Variants in LTBP1 observed in about 807,000 individuals in gnomAD.
LTBP1 encodes latent-transforming growth factor beta-binding protein 1.
LTBP1 carries 129 observed loss-of-function variants against 207.6 expected under a neutral mutation model. The observed-to-expected ratio is 0.62, with a 90% CI of 0.54 to 0.72. The LOEUF is 0.72. Among genes scored for constraint, LTBP1 ranks in the 30% least tolerant of loss-of-function variants. The pLI is 0.00. For synonymous variants in LTBP1, 963 were observed against 833.7 expected (o/e 1.16, Z -2.67); for missense variants, 2,281 against 2,217.2 (o/e 1.03, Z -0.58).
rs142344744 is a variant in LTBP1 at position 33,077,685 on chromosome 2, G to A, written c.864-32897G>A. 9.9e-4 allele frequency among the ~76,000 whole-genome samples: 151 copies of A among 152,230 alleles called. 2 individuals are homozygous for A. In the East Asian group the frequency reaches 0.022, roughly 22 times the overall value. On this transcript the variant is annotated intron_variant, in intron 3 of 33. Transcript: ENST00000404816. ...CCTCCAATATTGGGGATTATAATTC[G>A]ACGTGAGATTTGGGTGGGGACACAG...
Position 33,021,126 on chromosome 2 carries a change from A to C in LTBP1, c.783A>C (p.Pro261=), listed in dbSNP as rs1301083278. Reference sequence around the variant, plus strand: ...CATCTAAGAAGGCAGACACTCTACCAAGAGTCAGCCCTGTGGCCCAGATGA... The same window carrying C: ...CATCTAAGAAGGCAGACACTCTACCCAGAGTCAGCCCTGTGGCCCAGATGA... ...HTSSKKADTL[P]RVSPVAQMTL... is the part of the protein sequence containing the mutation. Residue 261 remains proline, a synonymous_variant, in exon 3 of 34, where the codon CCA becomes CCC. Coordinates refer to ENST00000404816, the MANE Select transcript of LTBP1 (RefSeq NM_206943.4). 1 of 1,613,964 alleles carries C rather than the reference A, an allele frequency of 6.2e-7. No individual in the cohort carries two copies. Among genetic ancestry groups the C allele is most frequent in the Non-Finnish European group, 8.5e-7 (1 of 1,179,932 alleles).
intron 2 of LTBP1, among the ~76,000 whole-genome samples, chr2:32,955,309 A>G (rs1677896285): frequency 6.6e-6 from 1 of 152,260 alleles, no homozygotes; most frequent in Admixed American, 6.5e-5. Context: ...AGATTGCTGC[A>G]CATGCAGTTT....
At chr2:33,262,090 G>A (rs894296575) in intron 13 of LTBP1, among the ~76,000 whole-genome samples, 1 of 152,054 alleles carries the variant, frequency 6.6e-6, no homozygotes, top group African/African-American at 2.4e-5. Context: ...GAGGTCCAGG[G>A]GACAAGCGTG....
rs187473263 is a variant in LTBP1, at chr2:32,960,975, C to G, written c.565+12030C>G. On this transcript the variant is annotated intron_variant, in intron 2 of 33. Coordinates refer to ENST00000404816, the MANE Select transcript of LTBP1 (RefSeq NM_206943.4). Reference sequence around the variant, plus strand: ...GATAACAAGAGGGGACTGTACAACACAAGCACAGTCAACACAAGTACTATA... The same window carrying G: ...GATAACAAGAGGGGACTGTACAACAGAAGCACAGTCAACACAAGTACTATA... 1.5e-3 allele frequency among the ~76,000 whole-genome samples: 232 copies of G among 152,184 alleles called. 2 individuals carry two copies. Among genetic ancestry groups the G allele is most frequent in the Non-Finnish European group, 3.5e-4 (24 of 68,014 alleles).
At chr2:33,371,396 G>A (rs970035408) in intron 31 of LTBP1, among the ~76,000 whole-genome samples, 71 of 152,176 alleles carry the variant, frequency 4.7e-4, no homozygotes, top group African/African-American at 1.7e-3. Flanking sequence ...TGTTTTGGGA[G>A]GATCCTCAAA....
intron 3 of LTBP1, among the ~76,000 whole-genome samples, chr2:33,080,604 A>G (rs2078337896): frequency 6.6e-6 from 1 of 152,230 alleles, no homozygotes; most frequent in Non-Finnish European, 1.5e-5. Context: ...ATTTCAAATA[A>G]CTGACATAGC....
At chr2:33,072,040 C>G (rs2077818318) in intron 3 of LTBP1, among the ~76,000 whole-genome samples, 1 of 151,958 alleles carries the variant, frequency 6.6e-6, no homozygotes. Context: ...GAGACTGCCC[C>G]CGTTTCAGAT....
chr2:33,230,399 T>C (rs1350402102), intron 9 of LTBP1, among the ~76,000 whole-genome samples: 2 of 152,194 alleles, frequency 1.3e-5, no homozygotes, highest in Non-Finnish European at 2.9e-5. Flanking sequence ...GCTGCAATTA[T>C]CTTTTCAAAG....
intron 25 of LTBP1, among the ~76,000 whole-genome samples, chr2:33,346,650 A>G (rs1406031607): frequency 6.6e-6 from 1 of 151,368 alleles, no homozygotes; most frequent in Non-Finnish European, 1.5e-5. Context: ...ACGGCACTGC[A>G]CTCCAGCCTG....
intron 2 of LTBP1, among the ~76,000 whole-genome samples, chr2:32,970,273 G>C (rs219032): frequency 0.48 from 73,275 of 151,992 alleles, 19,200 homozygotes; most frequent in Non-Finnish European, 0.6. Flanking sequence ...GTTTAATTAG[G>C]TTCCATTTGT....
rs186768493 is a variant in LTBP1 at position 33,056,599 on chromosome 2, T to C, written c.863+35393T>C. On this transcript the variant is annotated intron_variant, in intron 3 of 33. Transcript: ENST00000404816. The stretch of plus-strand genomic sequence containing the variant: ...CCGCGGACCCTCGCAGTGAGTGTTA[T>C]AGTTCTTAAAGGTGGCGTGTCCGGA... 6.4e-4 allele frequency: 207 copies of C among 322,886 alleles called. 1 individual carries two copies. The highest frequency in any genetic ancestry group is 1.5e-3 in the South Asian group (17 of 11,096). The allele number at this position is 322,886 out of a possible 1,614,324, so 20.0% of individuals were successfully genotyped here. A position where few individuals can be genotyped will look rare whatever the true frequency, so the allele number is the denominator to read the frequency against.
rs369858019 is a variant in LTBP1, at chr2:33,358,863, G to C, written c.4001-1734G>C. 4.1e-4 allele frequency among the ~76,000 whole-genome samples: 63 copies of C among 152,230 alleles called. No homozygotes were observed. In the South Asian group the frequency reaches 0.012, roughly 29 times the overall value. ...TAACAATTTAAAATACGTACTCTTAGTTTTCCTAAGTAATTCCATGTCTAA... is the reference window on the plus strand; with the variant it reads ...TAACAATTTAAAATACGTACTCTTACTTTTCCTAAGTAATTCCATGTCTAA... On this transcript the variant is annotated intron_variant, in intron 26 of 33. Coordinates refer to ENST00000404816, the MANE Select transcript of LTBP1 (RefSeq NM_206943.4).
rs144954571 is a variant in LTBP1, at chr2:32,962,736, G to T, written c.565+13791G>T. Among the ~76,000 whole-genome samples, 928 of 152,352 alleles carry T rather than the reference G, an allele frequency of 6.1e-3. 12 individuals carry two copies. The highest frequency in any genetic ancestry group is 0.021 in the African/African-American group (885 of 41,578). On this transcript the variant is annotated intron_variant, in intron 2 of 33. Transcript: ENST00000404816. ...TCCCCATTTCTTCCTTTAATACAGA[G>T]TGCTTGAATGGCACCTCACAGACAC...
chr2:33,140,190 G>T (rs75962226), intron 5 of LTBP1, among the ~76,000 whole-genome samples: 2,416 of 152,236 alleles, frequency 0.016, 26 homozygotes, highest in East Asian at 0.027. Context: ...GAAGCAGTTC[G>T]TGCTGCTAAG....
chr2:32,959,619 A>ATTTTT (rs1378144146), intron 2 of LTBP1, among the ~76,000 whole-genome samples: 5 of 48,092 alleles, frequency 1.0e-4, no homozygotes, highest in African/African-American at 3.6e-4. Flanking sequence ...ATATATATAT[A>ATTTTT]TATTTTTTTT....
intron 3 of LTBP1, among the ~76,000 whole-genome samples, chr2:33,108,652 C>T (rs932355355): frequency 2.6e-5 from 4 of 152,122 alleles, no homozygotes; most frequent in Non-Finnish European, 5.9e-5. Flanking sequence ...CCCAAGGTCT[C>T]CTGGAAAACT....
chr2:32,979,038 T>C (rs1572915445), intron 2 of LTBP1, among the ~76,000 whole-genome samples: 1 of 151,968 alleles, frequency 6.6e-6, no homozygotes, highest in African/African-American at 2.4e-5. Context: ...GTGTTATCAA[T>C]TGTTATGTAG....
intron 20 of LTBP1, among the ~76,000 whole-genome samples, chr2:33,295,275 C>T (rs1265922482): frequency 6.6e-6 from 1 of 151,972 alleles, no homozygotes; most frequent in Non-Finnish European, 1.5e-5. Flanking sequence ...TGGCCGGACA[C>T]AGCACTTTGG....
intron 11 of LTBP1, among the ~76,000 whole-genome samples, chr2:33,256,859 T>C (rs938869509): frequency 1.1e-4 from 16 of 147,978 alleles, no homozygotes; most frequent in African/African-American, 3.7e-4. Flanking sequence ...GAACTGGATA[T>C]GGAGGGCTGA....
Sources: gnomAD v4.1 joint callset for allele counts (sites outside exome capture counted in the v4.1 genomes callset) on GRCh38, gnomAD v4.1.1 for gene constraint, MANE v1.5 for transcripts, NCBI Gene and HGNC (gene_info 2026-07-23, HGNC 2026-07-21) for gene names.